COL6A5: variants seen among roughly 807,000 people sequenced by gnomAD.
COL6A5 encodes the protein collagen type VI alpha 5 chain.
Under a neutral mutation model 65.6 loss-of-function variants are expected in COL6A5, and 48 were observed. The observed-to-expected ratio is 0.73, with a 90% CI of 0.58 to 0.93. The LOEUF (loss-of-function observed/expected upper bound fraction) is 0.93. Ranked by LOEUF, COL6A5 falls within the 40% of genes least tolerant of loss-of-function variation. The probability of loss-of-function intolerance (pLI) is 0.00; values close to 1 mark genes in which losing one functional copy is unlikely to be tolerated. For synonymous variants in COL6A5, 291 were observed against 322.8 expected, an observed-to-expected ratio of 0.90 and a Z score of 1.05; for missense variants, 914 against 928.3, an observed-to-expected ratio of 0.98 and a Z score of 0.20.
chr3:130,379,669 A>G (rs754241244), exon 4 of COL6A5: 4 of 1,551,458 alleles, frequency 2.6e-6, no homozygotes, highest in South Asian at 1.2e-5. Context: ...GAATCTTTCT[A>G]TCCAAGTTGG....
intron 1 of COL6A5, among the ~76,000 whole-genome samples, chr3:130,366,980 C>G (rs534714810): frequency 6.6e-6 from 1 of 152,126 alleles, no homozygotes; most frequent in Non-Finnish European, 1.5e-5. Flanking sequence ...TCCTGGCTCC[C>G]CAAATAGATT....
chr3:130,472,832 CATAT>C lies in COL6A5; in HGVS notation c.2328+1889_2328+1892del, dbSNP rs10654631. On this transcript the variant is annotated intron_variant, in intron 7 of 7. Transcript: ENST00000512836. The stretch of plus-strand genomic sequence containing the variant: ...AAAAGTTTATATATGTGTGTGTATA[CATAT>C]ATATATATATATATATATATATACA... Among the ~76,000 whole-genome samples, 401 of 99,390 alleles carry C rather than the reference CATAT, an allele frequency of 4.0e-3. 6 individuals are homozygous for C. Among genetic ancestry groups the C allele is most frequent in the African/African-American group, 0.01 (262 of 25,452 alleles). 65.2% of individuals were successfully genotyped at this position (99,390 alleles called of 152,430 possible).
At chr3:130,403,360 G>T (rs1936876215) in intron 12 of COL6A5, among the ~76,000 whole-genome samples, 1 of 152,164 alleles carries the variant, frequency 6.6e-6, no homozygotes, top group Non-Finnish European at 1.5e-5. Flanking sequence ...TCATCTGCTG[G>T]TGGGTTCCAA....
intron 4 of COL6A5, among the ~76,000 whole-genome samples, chr3:130,451,209 G>A (rs567469681): frequency 2.0e-5 from 3 of 152,240 alleles, no homozygotes; most frequent in South Asian, 2.1e-4. Context: ...AAGTCCATGC[G>A]TCTAATCCAC....
intron 7 of COL6A5, chr3:130,476,984 T>A: frequency 1.1e-6 from 1 of 937,708 alleles, no homozygotes; most frequent in Admixed American, 2.0e-5. Context: ...TTTCTTGCAC[T>A]CATGAAAGCT....
chr3:130,471,235 C>A (rs2098371326), intron 7 of COL6A5, among the ~76,000 whole-genome samples: 1 of 152,006 alleles, frequency 6.6e-6, no homozygotes, highest in African/African-American at 2.4e-5. Flanking sequence ...AGTAACTTCT[C>A]AGTAAGTAGA....
intron 10 of COL6A5, among the ~76,000 whole-genome samples, chr3:130,399,036 C>G (rs1454608771): frequency 6.6e-6 from 1 of 152,186 alleles, no homozygotes; most frequent in Non-Finnish European, 1.5e-5. Flanking sequence ...TATTTTCTGT[C>G]CATGTCATAG....
chr3:130,396,953 C>T (rs1936623014), intron 8 of COL6A5, among the ~76,000 whole-genome samples: 1 of 152,170 alleles, frequency 6.6e-6, no homozygotes, highest in South Asian at 2.1e-4. Context: ...AGCTCTGCCT[C>T]CCGGGTTCAC....
At chr3:130,482,468 T>A (rs1197501368) in intron 7 of COL6A5, among the ~76,000 whole-genome samples, 1 of 152,180 alleles carries the variant, frequency 6.6e-6, no homozygotes. Context: ...TAGTTTGAAG[T>A]CAGGCAGCAT....
chr3:130,403,623 G>T, exon 13 of COL6A5: 2 of 1,551,258 alleles, frequency 1.3e-6, no homozygotes, highest in Non-Finnish European at 1.7e-6. Context: ...CTCAAGGTCT[G>T]AAAGGCAGCA....
chr3:130,436,804 C>A (rs1484293985), intron 1 of COL6A5, among the ~76,000 whole-genome samples: 1 of 152,112 alleles, frequency 6.6e-6, no homozygotes, highest in Non-Finnish European at 1.5e-5. Context: ...CTCAGAATGT[C>A]GGTATTGCCC....
At chr3:130,373,637 A>G in exon 2 of COL6A5, 1 of 1,523,846 alleles carries the variant, frequency 6.6e-7, no homozygotes, top group African/African-American at 1.4e-5. Flanking sequence ...TTCACTAACA[A>G]AATGAAGATC....
At chr3:130,353,338 G>A (rs1434035151) in intron 1 of COL6A5, among the ~76,000 whole-genome samples, 2 of 152,094 alleles carry the variant, frequency 1.3e-5, no homozygotes, top group South Asian at 2.1e-4. Flanking sequence ...GGTCTGATGC[G>A]AAAATACTTC....
chr3:130,376,847 C>A lies in COL6A5; in HGVS notation c.667+11C>A. On this transcript the variant is annotated intron_variant and NMD_transcript_variant, in intron 3 of 41. Coordinates refer to the COL6A5 transcript ENST00000312481. ...ATGCTGATATGCAAGGTAAGGAAAC[C>A]CTTGGTTGAAGAGGTGCCTGATCCC... The A allele has an allele frequency of 6.3e-7, 1 of 1,596,252 alleles. No homozygotes were observed. The highest frequency in any genetic ancestry group is 8.5e-7 in the Non-Finnish European group (1 of 1,170,846).
intron 11 of COL6A5, 99 bp downstream of exon 11, chr3:130,401,272 C>T (rs184709498): frequency 1.9e-6 from 2 of 1,045,094 alleles, no homozygotes; most frequent in Admixed American, 3.1e-5. Flanking sequence ...TTTACCCCCA[C>T]TAAATTAAGT....
intron 7 of COL6A5, chr3:130,471,924 A>T: frequency 6.5e-7 from 1 of 1,534,478 alleles, no homozygotes; most frequent in South Asian, 1.2e-5. Context: ...CAAGAAAAAG[A>T]AGGTAATCGT....
At chr3:130,394,961 G>A in exon 8 of COL6A5, 5 of 1,551,586 alleles carry the variant, frequency 3.2e-6, no homozygotes, top group Non-Finnish European at 4.4e-6. Context: ...TTCAGATTTT[G>A]TAACCATGAC....
chr3:130,431,277 T>G, upstream of COL6A5: 1 of 717,010 alleles, frequency 1.4e-6, no homozygotes, highest in Non-Finnish European at 2.5e-6. Flanking sequence ...GCTCTGCATT[T>G]ATGTTAACAG....
At chr3:130,451,436 G>C (rs1022146794) in intron 4 of COL6A5, among the ~76,000 whole-genome samples, 3 of 152,090 alleles carry the variant, frequency 2.0e-5, no homozygotes, top group Non-Finnish European at 4.4e-5. Context: ...TGTGAAGAAG[G>C]GTACAGAGAA....
Sources: allele counts gnomAD v4.1 joint callset (sites outside exome capture counted in the v4.1 genomes callset), GRCh38; gene constraint gnomAD v4.1.1; transcripts MANE v1.5; gene names NCBI Gene and HGNC (gene_info 2026-07-23, HGNC 2026-07-21).